The following TTC7A variants were observed in gnomAD, a reference collection of about 807,000 sequenced individuals.
TTC7A encodes the protein tetratricopeptide repeat domain 7A, also known as tetratricopeptide repeat protein 7A.
In TTC7A, 110 loss-of-function variants were observed where a neutral mutation model predicts 103.7. That is an observed-to-expected ratio of 1.06 (90% confidence interval 0.91 to 1.24). TTC7A has a LOEUF of 1.24. Among genes scored for constraint, TTC7A ranks in the 50% most tolerant of loss-of-function variants. The pLI, the probability that TTC7A is intolerant of heterozygous loss-of-function variation, is 0.00. For missense variants in TTC7A, 1,340 were observed against 1,116.3 expected (o/e 1.20, Z -2.86); for synonymous variants, 521 against 467.9 (o/e 1.11, Z -1.47).
chr2:47,011,513 T>G (rs1410919241), intron 11 of TTC7A, 78 bp downstream of exon 11: 1 of 1,156,152 alleles, frequency 8.6e-7, no homozygotes, highest in African/African-American at 1.5e-5. Context: ...CGTCTTGACG[T>G]GTATGTGTGG....
intron 2 of TTC7A, among the ~76,000 whole-genome samples, chr2:46,955,571 A>C (rs755767434): frequency 6.6e-6 from 1 of 152,198 alleles, no homozygotes; most frequent in African/African-American, 2.4e-5. Context: ...TGGTTAGGCC[A>C]GGGGGAAGGG....
intron 11 of TTC7A, among the ~76,000 whole-genome samples, chr2:47,015,536 C>T (rs1242295056): frequency 1.3e-5 from 2 of 152,158 alleles, no homozygotes; most frequent in African/African-American, 2.4e-5. Context: ...AGCTGTGTGA[C>T]TTTGAGGGAG....
rs59228878 is a variant in TTC7A, at chr2:46,989,616, A to AT, written c.765-3817dup. Among the ~76,000 whole-genome samples the AT allele has an allele frequency of 6.2e-3, 827 of 134,394 alleles. 4 individuals are homozygous for AT. Among genetic ancestry groups the AT allele is most frequent in the Non-Finnish European group, 7.1e-3 (441 of 62,108 alleles). The allele number at this position is 134,394 out of a possible 152,430, so 88.2% of individuals were successfully genotyped here. ...CAGCCCTGGCCACTGGGACCTCTCTATTTTTTTTTTTTTTTTTCTTGAAGG... is the reference window on the plus strand; with the variant it reads ...CAGCCCTGGCCACTGGGACCTCTCTATTTTTTTTTTTTTTTTTTCTTGAAGG... On this transcript the variant is annotated intron_variant, in intron 5 of 19. Coordinates refer to ENST00000319190, the MANE Select transcript of TTC7A (RefSeq NM_020458.4).
chr2:46,966,640 G>C (rs368494924), intron 3 of TTC7A, among the ~76,000 whole-genome samples: 29 of 149,890 alleles, frequency 1.9e-4, no homozygotes, highest in Non-Finnish European at 4.0e-4. Flanking sequence ...TATCCTTGAA[G>C]CTAAATTTTG....
intron 18 of TTC7A, among the ~76,000 whole-genome samples, chr2:47,055,468 G>A (rs909113062): frequency 1.3e-5 from 2 of 152,316 alleles, no homozygotes; most frequent in Admixed American, 6.5e-5. Context: ...CTTGGGCAGC[G>A]GGTCTGTGTG....
intron 19 of TTC7A, among the ~76,000 whole-genome samples, chr2:47,068,812 A>C (rs1193667031): frequency 6.7e-6 from 1 of 150,208 alleles, no homozygotes; most frequent in Admixed American, 6.6e-5. Flanking sequence ...TTCAGATCAG[A>C]ATGATACTTG....
chr2:46,953,127 A>T (rs1177598287), intron 2 of TTC7A, among the ~76,000 whole-genome samples: 2 of 152,182 alleles, frequency 1.3e-5, no homozygotes, highest in African/African-American at 4.8e-5. Context: ...CTTAATGATG[A>T]TCTGTAAAAT....
At chr2:47,070,644 G>A (rs1684599972) in intron 19 of TTC7A, among the ~76,000 whole-genome samples, 1 of 152,092 alleles carries the variant, frequency 6.6e-6, no homozygotes, top group Admixed American at 6.5e-5. Context: ...AAGGCTTCCT[G>A]GGAGAGCAGA....
chr2:47,057,570 G>A (rs1402476016), intron 18 of TTC7A, among the ~76,000 whole-genome samples: 2 of 152,186 alleles, frequency 1.3e-5, no homozygotes, highest in Non-Finnish European at 2.9e-5. Flanking sequence ...TTAATCAGCT[G>A]TGCCAGGGCC....
intron 18 of TTC7A, among the ~76,000 whole-genome samples, chr2:47,052,239 T>C (rs970376486): frequency 2.6e-5 from 4 of 152,166 alleles, no homozygotes; most frequent in Admixed American, 1.3e-4. Flanking sequence ...TAGAATTCAT[T>C]GAAGATGGAG....
intron 3 of TTC7A, among the ~76,000 whole-genome samples, chr2:46,972,983 A>C (rs761134667): frequency 6.6e-6 from 1 of 152,240 alleles, no homozygotes; most frequent in African/African-American, 2.4e-5. Flanking sequence ...CCCCATCTTC[A>C]GGCCAGAATT....
At chr2:46,958,087 A>G (rs1400405577) in intron 3 of TTC7A, among the ~76,000 whole-genome samples, 1 of 151,758 alleles carries the variant, frequency 6.6e-6, no homozygotes, top group Non-Finnish European at 1.5e-5. Flanking sequence ...TGCAACACAC[A>G]CTCAGTTTCC....
chr2:46,970,190 A>G (rs72806536), intron 3 of TTC7A, among the ~76,000 whole-genome samples: 9,505 of 152,094 alleles, frequency 0.062, 315 homozygotes, highest in Non-Finnish European at 0.073. Flanking sequence ...GGGTTTCACC[A>G]TGTTCCCAGG....
chr2:46,989,983 C>G (rs574535821), intron 5 of TTC7A, among the ~76,000 whole-genome samples: 22 of 152,104 alleles, frequency 1.4e-4, no homozygotes, highest in Non-Finnish European at 2.6e-4. Flanking sequence ...ACAGTCCTTG[C>G]GGTGGAGTGG....
chr2:47,061,046 T>C, intron 19 of TTC7A, 75 bp downstream of exon 19: 2 of 1,433,774 alleles, frequency 1.4e-6, no homozygotes, highest in Admixed American at 2.1e-5. Flanking sequence ...TGTCCCTCCT[T>C]GTCCCCATAC....
At chr2:47,066,196 T>C (rs1684166586) in intron 19 of TTC7A, 1 of 152,230 alleles carries the variant, frequency 6.6e-6, no homozygotes, top group Admixed American at 6.5e-5. Context: ...AGAGTGACGA[T>C]GAATGATTTC....
chr2:46,962,739 T>C (rs1672497195), intron 3 of TTC7A, among the ~76,000 whole-genome samples: 1 of 152,250 alleles, frequency 6.6e-6, no homozygotes, highest in Non-Finnish European at 1.5e-5. Context: ...GCCTTGACTC[T>C]TGGCCTTTTG....
chr2:46,921,493 G>A (rs1177030063), intron 2 of TTC7A, among the ~76,000 whole-genome samples: 2 of 152,202 alleles, frequency 1.3e-5, no homozygotes, highest in Non-Finnish European at 2.9e-5. Context: ...TCTGTTCTCT[G>A]AAGTTCTTGT....
intron 14 of TTC7A, among the ~76,000 whole-genome samples, chr2:47,027,427 G>T (rs10084454): frequency 1.1e-3 from 173 of 152,368 alleles, no homozygotes; most frequent in Non-Finnish European, 1.8e-3. Flanking sequence ...ACCTGGGAGC[G>T]CCTGCTCTGC....
Sources: allele counts gnomAD v4.1 joint callset (sites outside exome capture counted in the v4.1 genomes callset), GRCh38; gene constraint gnomAD v4.1.1; transcripts MANE v1.5; gene names NCBI Gene and HGNC (gene_info 2026-07-23, HGNC 2026-07-21).